PNMA8A: variants seen among roughly 807,000 people sequenced by gnomAD.
PNMA8A encodes the protein paraneoplastic antigen-like protein 8A.
A neutral mutation model predicts 26.6 loss-of-function variants in PNMA8A; 17 were observed. That is an observed-to-expected ratio of 0.64 (90% CI 0.44 to 0.96). The LOEUF (loss-of-function observed/expected upper bound fraction) is 0.96, where lower values mean the gene tolerates loss of function less well. Ranked by LOEUF, PNMA8A falls within the 40% of genes least tolerant of loss-of-function variation. The probability of loss-of-function intolerance (pLI) is 0.00; values close to 1 mark genes in which losing one functional copy is unlikely to be tolerated. For missense variants in PNMA8A, 532 were observed against 488.4 expected, an observed-to-expected ratio of 1.09 and a Z score of -0.84; for synonymous variants, 224 against 182.0, an observed-to-expected ratio of 1.23 and a Z score of -1.86.
chr19:46,470,038 G>A lies in PNMA8A; in HGVS notation c.998C>T (p.Ser333Phe), dbSNP rs752217518. 1.9e-6 allele frequency: 3 copies of A among 1,597,976 alleles called. No homozygotes were observed. The highest frequency in any genetic ancestry group is 1.8e-5 in the Admixed American group (1 of 56,668). ...RAEAESPGGA[S>F]ESDQDGGHES... ...ATGGCCACCATCTTGGTCTGACTCA[G>A]AGGCGCCTCCTGGGCTCTCGGCTTC... The change falls in exon 2 of 3, where the codon TCT (serine) becomes TTT (phenylalanine). Residue 333 changes from serine to phenylalanine, a missense_variant. By Grantham distance (155) the Ser-to-Phe change is radical (BLOSUM62 -2). Transcript: ENST00000313683.
At position 46,470,646 on chromosome 19, in the gene PNMA8A, G is replaced by A. The variant is rs749458381; in HGVS notation, c.390C>T (p.Leu130=). The part of the protein sequence containing the change: ...TWEDVVRLLQ[L]NHPTLSQNQH... Reference sequence around the variant, plus strand: ...GGTTCTGGGACAGGGTGGGGTGGTTGAGCTGGAGCAGGCGGACCACATCCT... The same window carrying A: ...GGTTCTGGGACAGGGTGGGGTGGTTAAGCTGGAGCAGGCGGACCACATCCT... Residue 130 remains leucine (L), a synonymous_variant, in exon 2 of 3, where the codon CTC becomes CTT. Transcript: ENST00000313683. 5 of 1,549,582 alleles carry A rather than the reference G, an allele frequency of 3.2e-6. No homozygotes were observed. The highest frequency in any genetic ancestry group is 1.7e-5 in the Admixed American group (1 of 59,928).
Position 46,470,598 on chromosome 19 carries a change from C to T in PNMA8A, c.438G>A (p.Trp146Ter). 1 of 1,613,698 alleles carries T rather than the reference C, an allele frequency of 6.2e-7. No individual in the cohort carries two copies. Among genetic ancestry groups the T allele is most frequent in the Non-Finnish European group, 8.5e-7 (1 of 1,179,612 alleles). Reference sequence around the variant, plus strand: ...CCAGAAGCACCCCCAGAGCTTCTGCCCAGTTCTCTGGGGGCTGATGCTGGT... The same window carrying T: ...CCAGAAGCACCCCCAGAGCTTCTGCTCAGTTCTCTGGGGGCTGATGCTGGT... ...SQNQHQPPEN[W>*]AEALGVLLGA... The change falls in exon 2 of 3, where the codon TGG becomes TGA. Residue 146 changes from tryptophan to a stop codon, truncating the protein, a stop_gained. Coordinates refer to ENST00000313683, the MANE Select transcript of PNMA8A (RefSeq NM_018215.4). LOFTEE classifies it high-confidence loss of function.
chr19:46,467,332 A>AACACAC lies in PNMA8A; in HGVS notation c.*1223_*1228dup, dbSNP rs58113099. 41,453 of 150,872 alleles carry AACACAC rather than the reference A, an allele frequency of 0.27. 6,064 individuals are homozygous for AACACAC. Among genetic ancestry groups the AACACAC allele is most frequent in the East Asian group, 0.45 (2,306 of 5,098 alleles). 9.3% of individuals were successfully genotyped at this position (150,872 alleles called of 1,614,324 possible). ...TCTCTCCTCTACACATGCGCACGCA[A>AACACAC]ACACACACACACACACACACAATGA... On this transcript the variant is annotated 3_prime_UTR_variant, in exon 3 of 3. Transcript: ENST00000313683.
In PNMA8A at chr19:46,468,246, C is replaced by A; in HGVS notation, c.*315G>T. 2.6e-6 allele frequency: 1 copy of A among 382,666 alleles called. No individual in the cohort carries two copies. The highest frequency in any genetic ancestry group is 4.7e-6 in the Non-Finnish European group (1 of 211,162). The allele number at this position is 382,666 out of a possible 1,614,324, so 23.7% of individuals were successfully genotyped here. A position where few individuals can be genotyped will look rare whatever the true frequency, so the allele number is the denominator to read the frequency against. The stretch of plus-strand genomic sequence containing the variant: ...AACATGGATGAGTGTAACAGTGACC[C>A]TGCTCATGCATAAAGGGGAATGAAT... On this transcript the variant is annotated 3_prime_UTR_variant, in exon 3 of 3. Transcript: ENST00000313683.
Position 46,469,903 on chromosome 19 carries a change from TCAAC to T in PNMA8A, c.1129_1132del (p.Val377ThrfsTer10), listed in dbSNP as rs1182733588. Reference sequence around the variant, plus strand: ...CGGCTTCTTCCTGCCATCTTCTGAGTCAACCAAGACGTAGGAGACAGGGCCCAAG... The same window carrying T: ...CGGCTTCTTCCTGCCATCTTCTGAGTCAAGACGTAGGAGACAGGGCCCAAG... On this transcript the variant is annotated frameshift_variant, in exon 2 of 3. Transcript: ENST00000313683. LOFTEE classifies it high-confidence loss of function. 1 of 1,614,026 alleles carries T rather than the reference TCAAC, an allele frequency of 6.2e-7. No individual in the cohort carries two copies. The highest frequency in any genetic ancestry group is 8.5e-7 in the Non-Finnish European group (1 of 1,180,046).
chr19:46,469,880 G>A lies in PNMA8A; in HGVS notation c.1156C>T (p.Pro386Ser). The change falls in exon 2 of 3, where the codon CCG (proline) becomes TCG (serine). Residue 386 changes from proline (P) to serine (S), a missense_variant. Physicochemically the swap from Pro to Ser is moderately conservative, Grantham distance 74 (BLOSUM62 -1). Transcript: ENST00000313683. Reference protein sequence around the residue: ...LVDSEDGRKKPVMPKKGPGSR... With the variant: ...LVDSEDGRKKSVMPKKGPGSR... ...CCTGGCCCTTTCTTTGGCATCACCGGCTTCTTCCTGCCATCTTCTGAGTCA... is the reference window on the plus strand; with the variant it reads ...CCTGGCCCTTTCTTTGGCATCACCGACTTCTTCCTGCCATCTTCTGAGTCA... 6.2e-7 allele frequency: 1 copy of A among 1,614,208 alleles called. No individual in the cohort carries two copies. The highest frequency in any genetic ancestry group is 8.5e-7 in the Non-Finnish European group (1 of 1,180,036).
In PNMA8A at chr19:46,467,873, T is replaced by A. The variant is rs768330522; in HGVS notation, c.*688A>T. On this transcript the variant is annotated 3_prime_UTR_variant, in exon 3 of 3. Transcript: ENST00000313683. ...GCGTCCTTCCCTATAATCACCCCCC[T>A]TCCCCACAGGATTCCTGAGAGGGCT... The A allele has an allele frequency of 6.6e-6, 1 of 152,240 alleles. No individual in the cohort carries two copies. Among genetic ancestry groups the A allele is most frequent in the Admixed American group, 6.6e-5 (1 of 15,266 alleles). 9.4% of individuals were successfully genotyped at this position (152,240 alleles called of 1,614,324 possible).
chr19:46,469,803 G>A lies in PNMA8A; in HGVS notation c.1233C>T (p.Ala411=), dbSNP rs201912822. 28 of 1,614,188 alleles carry A rather than the reference G, an allele frequency of 1.7e-5. No individual in the cohort carries two copies. The highest frequency in any genetic ancestry group is 1.7e-4 in the Middle Eastern group (1 of 6,058). ...DQKAPRGQQP[A]EATASTSRGP... ...CCCTAGAGGTTGAGGCTGTTGCCTC[G>A]GCAGGCTGCTGGCCCCGAGGGGCCT... The change falls in exon 2 of 3, where the codon GCC becomes GCT. Residue 411 remains alanine (A), a synonymous_variant. Transcript: ENST00000313683.
In PNMA8A at chr19:46,467,930, A is replaced by T. The variant is rs1969730177; in HGVS notation, c.*631T>A. ...AAATGGGAATCAAAGTGCCATTTTT[A>T]CTAACAGACTCTAAAACTCAAAGAC... is the stretch of plus-strand genomic sequence containing the variant. On this transcript the variant is annotated 3_prime_UTR_variant, in exon 3 of 3. Transcript: ENST00000313683. 6.6e-6 allele frequency: 1 copy of T among 152,254 alleles called. No individual in the cohort carries two copies. The highest frequency in any genetic ancestry group is 6.5e-5 in the Admixed American group (1 of 15,280). The allele number at this position is 152,254 out of a possible 1,614,324, so 9.4% of individuals were successfully genotyped here.
In PNMA8A at chr19:46,470,476, G is replaced by A. The variant is rs1195072180; in HGVS notation, c.560C>T (p.Ala187Val). The change falls in exon 2 of 3, where the codon GCC becomes GTC. Residue 187 changes from alanine (A) to valine (V), a missense_variant. Physicochemically the swap from Ala to Val is moderately conservative, Grantham distance 64. Coordinates refer to ENST00000313683, the MANE Select transcript of PNMA8A (RefSeq NM_018215.4). Reference sequence around the variant, plus strand: ...CTTCCTCCCTGCTGCTAAAGCCCAGGCTGCCATCTCCTCGAATTCAGCGGC... The same window carrying A: ...CTTCCTCCCTGCTGCTAAAGCCCAGACTGCCATCTCCTCGAATTCAGCGGC... Reference protein sequence around the residue: ...QEAAEFEEMAAWALAAGRKVK... With the variant: ...QEAAEFEEMAVWALAAGRKVK... The A allele has an allele frequency of 7.4e-6, 12 of 1,613,760 alleles. No individual in the cohort carries two copies. Among genetic ancestry groups the A allele is most frequent in the Middle Eastern group, 3.3e-4 (2 of 6,084 alleles).
chr19:46,470,820 C>T lies in PNMA8A; in HGVS notation c.216G>A (p.Glu72=), dbSNP rs1969781636. ...TGCTCAGATTCACACCTTCACCAAC[C>T]TCAATGAGGGCAGCTTTAACATTCT... is the stretch of plus-strand genomic sequence containing the variant. The part of the protein sequence containing the change: ...REENVKAALI[E]VGEGVNLSTI... Residue 72 remains glutamate (E), a synonymous_variant, in exon 2 of 3, where the codon GAG becomes GAA. Coordinates refer to ENST00000313683, the MANE Select transcript of PNMA8A (RefSeq NM_018215.4). 2.6e-6 allele frequency: 2 copies of T among 781,392 alleles called. No individual in the cohort carries two copies. Among genetic ancestry groups the T allele is most frequent in the Non-Finnish European group, 4.8e-6 (2 of 418,528 alleles). The allele number at this position is 781,392 out of a possible 1,614,324, so 48.4% of individuals were successfully genotyped here.
intron 2 of PNMA8A, 50 bp from the exon 3 acceptor site, chr19:46,468,627 T>C (rs1344075108): frequency 2.0e-6 from 3 of 1,480,562 alleles, no homozygotes; most frequent in Non-Finnish European, 2.8e-6. Flanking sequence ...AGAGGTGTCA[T>C]TAGGAAATGC....
In PNMA8A at chr19:46,470,465, C is replaced by G. The variant is rs368955980; in HGVS notation, c.571G>C (p.Ala191Pro). The change falls in exon 2 of 3, where the codon GCA becomes CCA. Residue 191 changes from alanine to proline, a missense_variant. Transcript: ENST00000313683. ...TCTTTCTTCACCTTCCTCCCTGCTG[C>G]TAAAGCCCAGGCTGCCATCTCCTCG... is the stretch of plus-strand genomic sequence containing the variant. Reference protein sequence around the residue: ...EFEEMAAWALAAGRKVKKEPG... With the variant: ...EFEEMAAWALPAGRKVKKEPG... 1.9e-6 allele frequency: 3 copies of G among 1,614,004 alleles called. No individual in the cohort carries two copies. Among genetic ancestry groups the G allele is most frequent in the Non-Finnish European group, 2.5e-6 (3 of 1,180,056 alleles).
intron 2 of PNMA8A, among the ~76,000 whole-genome samples, chr19:46,469,433 G>A (rs1601487508): frequency 6.6e-6 from 1 of 152,106 alleles, no homozygotes; most frequent in South Asian, 2.1e-4. Flanking sequence ...TTCTCATCAA[G>A]GAAGATGGGT....
In PNMA8A at chr19:46,470,251, C is replaced by T. The variant is rs746769353; in HGVS notation, c.785G>A (p.Gly262Asp). 9 of 1,614,038 alleles carry T rather than the reference C, an allele frequency of 5.6e-6. No individual in the cohort carries two copies. Among genetic ancestry groups the T allele is most frequent in the Non-Finnish European group, 7.6e-6 (9 of 1,180,038 alleles). ...QEAVPWKKPK[G>D]INSNSTANLE... ...GTTAGCTGTGCTGTTGGAATTGATG[C>T]CTTTGGGTTTTTTCCAGGGCACTGC... Residue 262 changes from glycine (G) to aspartate (D), a missense_variant, in exon 2 of 3, where the codon GGC becomes GAC. By Grantham distance (94) the Gly-to-Asp change is moderately conservative. Coordinates refer to ENST00000313683, the MANE Select transcript of PNMA8A (RefSeq NM_018215.4).
At position 46,470,281 on chromosome 19, in the gene PNMA8A, T is replaced by C. The variant is rs1445042724; in HGVS notation, c.755A>G (p.Gln252Arg). The stretch of plus-strand genomic sequence containing the variant: ...GGGTTTTTTCCAGGGCACTGCTTCC[T>C]GCCTGGAGTTCTTCTTCTGCTTCTT... ...RRKKQKKNSR[Q>R]EAVPWKKPKG... is the part of the protein sequence containing the mutation. The change falls in exon 2 of 3, where the codon CAG (glutamine) becomes CGG (arginine). Residue 252 changes from glutamine to arginine, a missense_variant. By Grantham distance (43) the Gln-to-Arg change is conservative (BLOSUM62 1). Coordinates refer to ENST00000313683, the MANE Select transcript of PNMA8A (RefSeq NM_018215.4). 1.9e-6 allele frequency: 3 copies of C among 1,613,900 alleles called. No individual in the cohort carries two copies. The highest frequency in any genetic ancestry group is 1.7e-5 in the Admixed American group (1 of 60,036).
In PNMA8A at chr19:46,466,619, A is replaced by T. The variant is rs1969710145; in HGVS notation, c.*1942T>A. ...TTTTGAAATTAGAAGCTGGACAGTT[A>T]CAGGCTTTGGTCTCTTCAAGAATCC... On this transcript the variant is annotated 3_prime_UTR_variant, in exon 3 of 3. Transcript: ENST00000313683. The T allele has an allele frequency of 6.6e-6, 1 of 152,218 alleles. No individual in the cohort carries two copies. The highest frequency in any genetic ancestry group is 1.5e-5 in the Non-Finnish European group (1 of 68,048). 9.4% of individuals were successfully genotyped at this position (152,218 alleles called of 1,614,324 possible).
rs1969723456 is a variant in PNMA8A at position 46,467,546 on chromosome 19, TG to T, written c.*1014del. 2 of 152,370 alleles carry T rather than the reference TG, an allele frequency of 1.3e-5. No individual in the cohort carries two copies. Among genetic ancestry groups the T allele is most frequent in the African/African-American group, 4.8e-5 (2 of 41,576 alleles). The allele number at this position is 152,370 out of a possible 1,614,324, so 9.4% of individuals were successfully genotyped here. On this transcript the variant is annotated 3_prime_UTR_variant, in exon 3 of 3. Coordinates refer to ENST00000313683, the MANE Select transcript of PNMA8A (RefSeq NM_018215.4). ...CATCTGCCTCAGCCTCCTGAGTAGC[TG>T]GGATTACAGGCGCGCGCCACCACGC...
In PNMA8A at chr19:46,468,583, A is replaced by C. The variant is rs1164404004; in HGVS notation, c.1304-6T>G. 10 of 1,610,982 alleles carry C rather than the reference A, an allele frequency of 6.2e-6. No individual in the cohort carries two copies. Among genetic ancestry groups the C allele is most frequent in the African/African-American group, 1.3e-5 (1 of 74,866 alleles). ...AGATCAAACCTTTCTGGATTCTGCAAATAAATGAGAGAACAGATCAAGAAG... is the reference window on the plus strand; with the variant it reads ...AGATCAAACCTTTCTGGATTCTGCACATAAATGAGAGAACAGATCAAGAAG... On this transcript the variant is annotated splice_region_variant and splice_polypyrimidine_tract_variant and intron_variant, in intron 2 of 2. Transcript: ENST00000313683.
Sources: gnomAD v4.1 joint callset for allele counts (sites outside exome capture counted in the v4.1 genomes callset) on GRCh38, gnomAD v4.1.1 for gene constraint, MANE v1.5 for transcripts, NCBI Gene and HGNC (gene_info 2026-07-23, HGNC 2026-07-21) for gene names.